ZNF106: variants seen among roughly 807,000 people sequenced by gnomAD.
The protein encoded by ZNF106 is zinc finger protein 106, also known as SH3-domain binding protein 3.
Under a neutral mutation model 195.1 loss-of-function variants are expected in ZNF106, and 67 were observed. The observed-to-expected ratio is 0.34, with a 90% CI of 0.28 to 0.42. The LOEUF is 0.42. Ranked by LOEUF, ZNF106 falls within the 10% of genes least tolerant of loss-of-function variation. The pLI, the probability that ZNF106 is intolerant of heterozygous loss-of-function variation, is 1.00. For synonymous variants in ZNF106, 784 were observed against 818.6 expected, an observed-to-expected ratio of 0.96 and a Z score of 0.72; for missense variants, 2,118 against 2,304.5, an observed-to-expected ratio of 0.92 and a Z score of 1.66.
intron 5 of ZNF106, 30 bp downstream of exon 5, chr15:42,449,740 GA>G: frequency 4.5e-6 from 7 of 1,568,998 alleles, no homozygotes; most frequent in Non-Finnish European, 3.5e-6. Flanking sequence ...AGAAAGTGAG[GA>G]AAAAAAAGAC....
chr15:42,484,436 T>C (rs376041828), intron 1 of ZNF106, among the ~76,000 whole-genome samples: 126 of 152,342 alleles, frequency 8.3e-4, no homozygotes, highest in African/African-American at 2.9e-3. Context: ...ATCAGACTAA[T>C]ATAGACAGGC....
intron 14 of ZNF106, among the ~76,000 whole-genome samples, chr15:42,433,428 T>C (rs146184141): frequency 6.6e-6 from 1 of 152,010 alleles, no homozygotes; most frequent in African/African-American, 2.4e-5. Context: ...TAGCTCACCA[T>C]TTTAATTCCT....
At chr15:42,485,033 C>T (rs1595501734) in intron 1 of ZNF106, among the ~76,000 whole-genome samples, 1 of 151,904 alleles carries the variant, frequency 6.6e-6, no homozygotes, top group Non-Finnish European at 1.5e-5. Flanking sequence ...CCTGTAATCC[C>T]AGCTACTCAG....
rs779172597 is a variant in ZNF106 at position 42,435,480 on chromosome 15, G to A, written c.4785C>T (p.Ser1595=). 7 of 1,614,048 alleles carry A rather than the reference G, an allele frequency of 4.3e-6. No homozygotes were observed. Among genetic ancestry groups the A allele is most frequent in the East Asian group, 2.2e-5 (1 of 44,904 alleles). Residue 1595 remains serine (S), a synonymous_variant, in exon 14 of 22, where the codon TCC becomes TCT. Transcript: ENST00000564754. ...KCIGVFEGHT[S]KVNCLLVTQT... ...GAGTAACCAGGAGGCAGTTAACTTT[G>A]GAGGTATGACCCTCAAAGACACCAA...
Position 42,421,047 on chromosome 15 carries a change from G to C in ZNF106, c.5517+14C>G. ...CTATAGAAGTCCAGTGACAGGAAGAGTTTCACTCCTTACCCAACAGCGGTA... is the reference window on the plus strand; with the variant it reads ...CTATAGAAGTCCAGTGACAGGAAGACTTTCACTCCTTACCCAACAGCGGTA... On this transcript the variant is annotated intron_variant, in intron 20 of 21. Transcript: ENST00000564754. 1 of 1,613,584 alleles carries C rather than the reference G, an allele frequency of 6.2e-7. No homozygotes were observed. Among genetic ancestry groups the C allele is most frequent in the Non-Finnish European group, 8.5e-7 (1 of 1,179,546 alleles).
chr15:42,460,690 G>A (rs1415693423), intron 3 of ZNF106, among the ~76,000 whole-genome samples: 1 of 151,960 alleles, frequency 6.6e-6, no homozygotes, highest in Non-Finnish European at 1.5e-5. Flanking sequence ...GAGAAACCCC[G>A]TTTCTACTAA....
rs1040005212 is a variant in ZNF106, at chr15:42,413,245, T to C, written c.*4059A>G. 1 of 152,162 alleles carries C rather than the reference T, an allele frequency of 6.6e-6. No individual in the cohort carries two copies. Among genetic ancestry groups the C allele is most frequent in the African/African-American group, 2.4e-5 (1 of 41,434 alleles). The allele number at this position is 152,162 out of a possible 1,614,324, so 9.4% of individuals were successfully genotyped here. A position where few individuals can be genotyped will look rare whatever the true frequency, so the allele number is the denominator to read the frequency against. On this transcript the variant is annotated 3_prime_UTR_variant, in exon 22 of 22. Transcript: ENST00000564754. ...GTCTGGTTTCTATGAGGAGCTCATA[T>C]CCACTTGCATAAGGAAACCTAGTCT...
rs749255453 is a variant in ZNF106, at chr15:42,450,267, T to C, written c.2005A>G (p.Ile669Val). ...RELSTSPCNP[I>V]VRQKESELQM... ...AATTCAGATTCTTTCTGGCGAACTA[T>C]GGGATTACATGGGGAAGTGGATAGC... Residue 669 changes from isoleucine to valine, a missense_variant, in exon 5 of 22, where the codon ATA (isoleucine) becomes GTA (valine). Transcript: ENST00000564754. 8 of 1,614,166 alleles carry C rather than the reference T, an allele frequency of 5.0e-6. No individual in the cohort carries two copies. Among genetic ancestry groups the C allele is most frequent in the Non-Finnish European group, 6.8e-6 (8 of 1,180,024 alleles).
chr15:42,460,775 G>A (rs1418887991), intron 3 of ZNF106, among the ~76,000 whole-genome samples: 9 of 151,404 alleles, frequency 5.9e-5, no homozygotes, highest in East Asian at 1.9e-4. Flanking sequence ...CAGGAGAATC[G>A]CTTGAACCCA....
Position 42,428,061 on chromosome 15 carries a change from T to C in ZNF106, c.4955A>G (p.Tyr1652Cys). The C allele has an allele frequency of 2.5e-6, 4 of 1,614,186 alleles. No individual in the cohort carries two copies. Among genetic ancestry groups the C allele is most frequent in the African/African-American group, 1.3e-5 (1 of 75,064 alleles). ...LCLHSRWRIL[Y>C]AGLANGTVVT... ...CACAGTGCCATTTGCCAGTCCCGCA[T>C]AGAGGATTCGCCATCTACTGTGGAG... The change falls in exon 15 of 22, where the codon TAT (tyrosine) becomes TGT (cysteine). Residue 1652 changes from tyrosine (Y) to cysteine (C), a missense_variant. By Grantham distance (194) the Tyr-to-Cys change is radical (BLOSUM62 -2). Coordinates refer to ENST00000564754, the MANE Select transcript of ZNF106 (RefSeq NM_001366845.3).
chr15:42,452,075 T>C (rs1595471450), intron 4 of ZNF106, 121 bp from the exon 5 acceptor site: 1 of 1,053,686 alleles, frequency 9.5e-7, no homozygotes, highest in East Asian at 2.4e-5. Context: ...TAACCGAGTC[T>C]GGTTTTATAT....
chr15:42,451,543 G>A lies in ZNF106; in HGVS notation c.729C>T (p.Asn243=). The A allele has an allele frequency of 6.2e-7, 1 of 1,614,134 alleles. No homozygotes were observed. Among genetic ancestry groups the A allele is most frequent in the South Asian group, 1.1e-5 (1 of 91,082 alleles). The change falls in exon 5 of 22, where the codon AAC becomes AAT. Residue 243 remains asparagine (N), a synonymous_variant. Coordinates refer to ENST00000564754, the MANE Select transcript of ZNF106 (RefSeq NM_001366845.3). The part of the protein sequence containing the change: ...TGGFSSWHMN[N]SNGNWKSSVR... The stretch of plus-strand genomic sequence containing the variant: ...CACTGGATTTCCAGTTTCCGTTACT[G>A]TTGTTCATATGCCAACTGGAAAAGC...
At position 42,472,276 on chromosome 15, in the gene ZNF106, C is replaced by T. The variant is rs1345782972; in HGVS notation, c.14G>A (p.Arg5Gln). The T allele has an allele frequency of 5.2e-6, 8 of 1,535,762 alleles. No homozygotes were observed. Among genetic ancestry groups the T allele is most frequent in the South Asian group, 3.6e-5 (3 of 83,982 alleles). ...CACGATGTGGCATAATATGCATTTTCGTTCTCGTACCATAGTGACCAGATC... is the reference window on the plus strand; with the variant it reads ...CACGATGTGGCATAATATGCATTTTTGTTCTCGTACCATAGTGACCAGATC... MVRE[R>Q]KCILCHIVYS... is the part of the protein sequence containing the mutation. Residue 5 changes from arginine to glutamine, a missense_variant, in exon 2 of 22, where the codon CGA becomes CAA. By Grantham distance (43) the Arg-to-Gln change is conservative. Transcript: ENST00000564754.
At chr15:42,431,054 GT>G (rs1438933508) in intron 14 of ZNF106, among the ~76,000 whole-genome samples, 1 of 151,928 alleles carries the variant, frequency 6.6e-6, no homozygotes, top group Non-Finnish European at 1.5e-5. Context: ...CAAATGATAC[GT>G]TGCATTTTCA....
chr15:42,439,735 T>C lies in ZNF106; in HGVS notation c.3842A>G (p.His1281Arg), dbSNP rs749076271. 1 of 1,612,434 alleles carries C rather than the reference T, an allele frequency of 6.2e-7. No individual in the cohort carries two copies. Among genetic ancestry groups the C allele is most frequent in the Admixed American group, 1.7e-5 (1 of 59,692 alleles). ...LSLPESTESF[H>R]EPSQELKFSV... ...AAACTTCAGTTCTTGGCTAGGCTCATGGAAACTTTCTGTTGACTCTGGTAA... is the reference window on the plus strand; with the variant it reads ...AAACTTCAGTTCTTGGCTAGGCTCACGGAAACTTTCTGTTGACTCTGGTAA... The change falls in exon 11 of 22, where the codon CAT becomes CGT. Residue 1281 changes from histidine (H) to arginine (R), a missense_variant. His to Arg is a conservative substitution (Grantham distance 29). Transcript: ENST00000564754.
chr15:42,421,227 A>AAGCTCCTTGCAGC, intron 19 of ZNF106, 95 bp from the exon 20 acceptor site: 1 of 1,137,578 alleles, frequency 8.8e-7, no homozygotes, highest in Middle Eastern at 2.3e-4. Flanking sequence ...CAGCAGCTAC[A>AAGCTCCTTGCAGC]AGAAAACAAA....
intron 1 of ZNF106, among the ~76,000 whole-genome samples, chr15:42,478,512 C>CTTTTTTTTT (rs58475332): frequency 1.3e-4 from 10 of 77,610 alleles, no homozygotes; most frequent in South Asian, 4.6e-4. Context: ...TCCTCTTTTT[C>CTTTTTTTTT]TTTTTTTTTT....
intron 4 of ZNF106, among the ~76,000 whole-genome samples, chr15:42,453,627 G>T (rs1463526465): frequency 6.8e-6 from 1 of 147,324 alleles, no homozygotes; most frequent in Non-Finnish European, 1.5e-5. Flanking sequence ...ATGGAGTCTC[G>T]CTTTGTCGCC....
chr15:42,441,516 C>A (rs1036674226), intron 10 of ZNF106, among the ~76,000 whole-genome samples: 73 of 152,236 alleles, frequency 4.8e-4, no homozygotes, highest in African/African-American at 1.7e-3. Flanking sequence ...GTAATGCAAA[C>A]TTCTAACAGG....
Sources: gnomAD v4.1 joint callset for allele counts (sites outside exome capture counted in the v4.1 genomes callset) on GRCh38, gnomAD v4.1.1 for gene constraint, MANE v1.5 for transcripts, NCBI Gene and HGNC (gene_info 2026-07-23, HGNC 2026-07-21) for gene names.